MCTP2: variants seen among roughly 807,000 people sequenced by gnomAD.
MCTP2 encodes multiple C2 and transmembrane domain-containing protein 2.
A neutral mutation model predicts 111.6 loss-of-function variants in MCTP2; 132 were observed. The observed-to-expected ratio is 1.18, with a 90% CI of 1.03 to 1.37. The LOEUF (loss-of-function observed/expected upper bound fraction) is 1.37, where lower values mean the gene tolerates loss of function less well. Among genes scored for constraint, MCTP2 ranks in the 40% most tolerant of loss-of-function variants. The probability of loss-of-function intolerance (pLI) is 0.00; values close to 1 mark genes in which losing one functional copy is unlikely to be tolerated. For synonymous variants in MCTP2, 395 were observed against 387.7 expected (o/e 1.02, Z -0.22); for missense variants, 1,183 against 1,067.9 (o/e 1.11, Z -1.50).
At chr15:94,295,647 C>A (rs966881678) in intron 1 of MCTP2, among the ~76,000 whole-genome samples, 1 of 152,052 alleles carries the variant, frequency 6.6e-6, no homozygotes, top group East Asian at 1.9e-4. Context: ...TTATGTTTTC[C>A]ATATATATTA....
rs372453427 is a variant in MCTP2 at position 94,399,062 on chromosome 15, G to C, written c.1890G>C (p.Pro630=). The C allele has an allele frequency of 6.9e-7, 1 of 1,452,036 alleles. No individual in the cohort carries two copies. Among genetic ancestry groups the C allele is most frequent in the Non-Finnish European group, 9.7e-7 (1 of 1,033,682 alleles). 89.9% of individuals were successfully genotyped at this position (1,452,036 alleles called of 1,614,324 possible). A position where few individuals can be genotyped will look rare whatever the true frequency, so the allele number is the denominator to read the frequency against. Residue 630 remains proline, a splice_region_variant and synonymous_variant, in exon 15 of 23, where the codon CCG becomes CCC. Transcript: ENST00000357742. ...TAGAGATGGACCTTATATATAATCC[G>C]GTAAGTCTAGCTGGGTCATACTTCC... ...IYLEMDLIYN[P]VKASIRTFTP...
intron 10 of MCTP2, among the ~76,000 whole-genome samples, chr15:94,362,961 A>G (rs886297721): frequency 3.9e-5 from 6 of 152,206 alleles, no homozygotes; most frequent in Admixed American, 3.3e-4. Context: ...AAAGGGAAAA[A>G]AAAGTAATTT....
chr15:94,448,920 A>G (rs751430589), intron 19 of MCTP2, among the ~76,000 whole-genome samples: 1 of 152,340 alleles, frequency 6.6e-6, no homozygotes, highest in Non-Finnish European at 1.5e-5. Context: ...GCACACCTGT[A>G]GTCCCAGCTA....
At chr15:94,257,965 A>G (rs1201224690) in intron 1 of MCTP2, among the ~76,000 whole-genome samples, 1 of 149,492 alleles carries the variant, frequency 6.7e-6, no homozygotes, top group Non-Finnish European at 1.5e-5. Context: ...GCTCACTGCA[A>G]CCTCCATCTC....
chr15:94,365,390 G>A (rs1015045356), intron 10 of MCTP2, among the ~76,000 whole-genome samples: 7 of 152,096 alleles, frequency 4.6e-5, no homozygotes, highest in African/African-American at 1.2e-4. Flanking sequence ...TTGTAATAAC[G>A]TAAGTGTAAA....
At position 94,415,658 on chromosome 15, in the gene MCTP2, A is replaced by G. The variant is rs192656395; in HGVS notation, c.2085+13639A>G. On this transcript the variant is annotated intron_variant, in intron 17 of 22. Coordinates refer to ENST00000357742, the MANE Select transcript of MCTP2 (RefSeq NM_001385001.1). ...CCCCCAACCTCACCCCTCCCAACAC[A>G]CCCCCATTCTGAGATGTTTCCCCTG... Among the ~76,000 whole-genome samples the G allele has an allele frequency of 2.0e-3, 294 of 148,964 alleles. 1 individual carries two copies. Among genetic ancestry groups the G allele is most frequent in the Non-Finnish European group, 2.5e-3 (170 of 67,248 alleles).
chr15:94,399,883 T>C lies in MCTP2; in HGVS notation c.1891-38T>C, dbSNP rs759318082. ...GAAAACTAGGTGGATGAAGTCCCTA[T>C]ACATGCTGCCCTTTTTTAACAAGGA... On this transcript the variant is annotated intron_variant, in intron 15 of 22. Transcript: ENST00000357742. The C allele has an allele frequency of 2.7e-5, 43 of 1,575,418 alleles. No homozygotes were observed. In the Middle Eastern group the frequency reaches 5.0e-4, roughly 18 times the overall value.
chr15:94,356,630 A>C (rs1184240886), intron 9 of MCTP2, among the ~76,000 whole-genome samples: 1 of 152,202 alleles, frequency 6.6e-6, no homozygotes, highest in Non-Finnish European at 1.5e-5. Flanking sequence ...AGTTTTCAAA[A>C]TGCTACAAAA....
chr15:94,242,583 A>G (rs1158141219), intron 1 of MCTP2, among the ~76,000 whole-genome samples: 2 of 152,048 alleles, frequency 1.3e-5, no homozygotes, highest in Non-Finnish European at 2.9e-5. Context: ...TATTAAAAGA[A>G]ACAAGAGGCA....
chr15:94,236,158 G>A (rs2070525411), intron 1 of MCTP2, among the ~76,000 whole-genome samples: 1 of 152,038 alleles, frequency 6.6e-6, no homozygotes, highest in Non-Finnish European at 1.5e-5. Flanking sequence ...AGGTGGCCTT[G>A]TTTCCTTGTT....
intron 1 of MCTP2, among the ~76,000 whole-genome samples, chr15:94,289,001 A>G (rs1205040138): frequency 2.0e-5 from 3 of 152,220 alleles, no homozygotes; most frequent in Admixed American, 1.3e-4. Flanking sequence ...ATTGAAAAAT[A>G]ATAGAGTCTC....
chr15:94,318,544 A>G (rs1767724065), intron 4 of MCTP2, among the ~76,000 whole-genome samples: 1 of 152,264 alleles, frequency 6.6e-6, no homozygotes, highest in Non-Finnish European at 1.5e-5. Context: ...AAGTGCTAGG[A>G]TTACAGGTGT....
intron 2 of MCTP2, among the ~76,000 whole-genome samples, chr15:94,302,986 G>A (rs974330024): frequency 6.6e-6 from 1 of 151,004 alleles, no homozygotes; most frequent in African/African-American, 2.4e-5. Flanking sequence ...TACATGGATG[G>A]CAGCCAGCAA....
At chr15:94,442,802 C>G in intron 18 of MCTP2, 117 bp from the exon 19 acceptor site, 1 of 794,816 alleles carries the variant, frequency 1.3e-6, no homozygotes, top group Non-Finnish European at 2.2e-6. Flanking sequence ...GGTTGTAATG[C>G]ATTTCAAAAA....
chr15:94,389,273 C>A (rs900933175), intron 14 of MCTP2, among the ~76,000 whole-genome samples: 2 of 151,782 alleles, frequency 1.3e-5, no homozygotes, highest in African/African-American at 4.8e-5. Flanking sequence ...AGGGGAAAGG[C>A]CGTGTCTGGG....
At position 94,339,351 on chromosome 15, in the gene MCTP2, CAT is replaced by C. The variant is rs2077519832; in HGVS notation, c.705_706del (p.Tyr235Ter). The C allele has an allele frequency of 6.2e-7, 1 of 1,611,490 alleles. No homozygotes were observed. Among genetic ancestry groups the C allele is most frequent in the Non-Finnish European group, 8.5e-7 (1 of 1,178,256 alleles). On this transcript the variant is annotated frameshift_variant, in exon 5 of 23. Coordinates refer to ENST00000357742, the MANE Select transcript of MCTP2 (RefSeq NM_001385001.1). LOFTEE classifies it high-confidence loss of function. Reference protein sequence around the residue: ...NGKTLYKSKVIYKNLNPVWDE... With the variant: ...NGKTLYKSKVXYKNLNPVWDE... Reference sequence around the variant, plus strand: ...GGAAGACGCTGTACAAAAGTAAAGTCATATATAAGAACTTGAACCCAGTATGG... The same window carrying C: ...GGAAGACGCTGTACAAAAGTAAAGTCATATAAGAACTTGAACCCAGTATGG...
intron 17 of MCTP2, among the ~76,000 whole-genome samples, chr15:94,406,040 G>C (rs574855322): frequency 6.6e-6 from 1 of 152,170 alleles, no homozygotes; most frequent in African/African-American, 2.4e-5. Context: ...GAATAGATTT[G>C]TAAATATATG....
chr15:94,306,297 T>G (rs988574587), intron 2 of MCTP2, among the ~76,000 whole-genome samples: 1 of 152,214 alleles, frequency 6.6e-6, no homozygotes, highest in African/African-American at 2.4e-5. Context: ...TAACAAGTGC[T>G]TACTGCCATG....
chr15:94,367,714 G>A lies in MCTP2; in HGVS notation c.1411G>A (p.Ala471Thr), dbSNP rs1172965433. Residue 471 changes from alanine to threonine, a missense_variant, in exon 11 of 23, where the codon GCG becomes ACG. Coordinates refer to ENST00000357742, the MANE Select transcript of MCTP2 (RefSeq NM_001385001.1). ...LLMLVTLTPC[A>T]GVSVSDLCVC... ...TATGTTGGTCACACTTACACCCTGT[G>A]CGGGGGTCTCCGTCTCTGATCTGTG... The A allele has an allele frequency of 6.2e-7, 1 of 1,609,946 alleles. No homozygotes were observed. Among genetic ancestry groups the A allele is most frequent in the South Asian group, 1.1e-5 (1 of 90,590 alleles).
Sources: allele counts gnomAD v4.1 joint callset (sites outside exome capture counted in the v4.1 genomes callset), GRCh38; gene constraint gnomAD v4.1.1; transcripts MANE v1.5; gene names NCBI Gene and HGNC (gene_info 2026-07-23, HGNC 2026-07-21).